AKAP9: variants seen among roughly 807,000 people sequenced by gnomAD.
AKAP9 encodes A-kinase anchoring protein 9.
In AKAP9, 311 loss-of-function variants were observed where a neutral mutation model predicts 488.5. The ratio of observed to expected loss-of-function variants is 0.64; its 90% CI spans 0.58 to 0.70. AKAP9 has a LOEUF of 0.70. Ranked by LOEUF, AKAP9 falls within the 30% of genes least tolerant of loss-of-function variation. AKAP9 has a pLI of 0.00. For synonymous variants in AKAP9, 1,462 were observed against 1,483.5 expected (o/e 0.99, Z 0.33); for missense variants, 4,215 against 4,374.5 (o/e 0.96, Z 1.03).
At chr7:92,101,109 C>T in intron 45 of AKAP9, 53 bp downstream of exon 45, 2 of 1,552,960 alleles carry the variant, frequency 1.3e-6, no homozygotes, top group Non-Finnish European at 8.8e-7. Flanking sequence ...TTTTTGCCTT[C>T]TTTCATCTCT....
intron 22 of AKAP9, 84 bp downstream of exon 22, chr7:92,053,042 T>A: frequency 8.6e-7 from 1 of 1,158,352 alleles, no homozygotes; most frequent in Non-Finnish European, 1.3e-6. Flanking sequence ...ATTTTGATAT[T>A]TTCATGGATA....
intron 1 of AKAP9, among the ~76,000 whole-genome samples, chr7:91,941,745 G>A (rs1284452813): frequency 6.6e-6 from 1 of 152,172 alleles, no homozygotes; most frequent in Non-Finnish European, 1.5e-5. Flanking sequence ...GTCATGGCAT[G>A]CGCTTTTGTG....
In AKAP9 at chr7:92,092,890, T is replaced by C. The variant is rs907880097; in HGVS notation, c.9359-207T>C. The C allele has an allele frequency of 9.8e-6, 5 of 508,622 alleles. No individual in the cohort carries two copies. The Admixed American group carries it at 1.3e-4, about 13-fold the overall frequency. The allele number at this position is 508,622 out of a possible 1,614,324, so 31.5% of individuals were successfully genotyped here. A position where few individuals can be genotyped will look rare whatever the true frequency, so the allele number is the denominator to read the frequency against. On this transcript the variant is annotated intron_variant, in intron 38 of 49. Transcript: ENST00000356239. The stretch of plus-strand genomic sequence containing the variant: ...TTGAACTCCTGGCCTTAAGCAGTCC[T>C]CCCTCCCACCTCAGCCTCCCAAAGT...
Position 92,077,795 on chromosome 7 carries a change from G to C in AKAP9, c.6865G>C (p.Glu2289Gln). ...LFGKFAQIIQ[E>Q]KEVEIDQLNE... ...TGGGAAATTTGCTCAAATAATACAG[G>C]AAAAAGAGGTAGAAATTGACCAATT... The change falls in exon 30 of 50, where the codon GAA becomes CAA. Residue 2289 changes from glutamate to glutamine, a missense_variant. Transcript: ENST00000356239. 6.2e-7 allele frequency: 1 copy of C among 1,613,588 alleles called. No individual in the cohort carries two copies. Among genetic ancestry groups the C allele is most frequent in the Non-Finnish European group, 8.5e-7 (1 of 1,179,804 alleles).
In AKAP9 at chr7:92,058,368, T is replaced by C. The variant is rs777536948; in HGVS notation, c.5602-2892T>C. On this transcript the variant is annotated intron_variant, in intron 22 of 49. Transcript: ENST00000356239. ...TTTATTCATAAAAGAAACGGGCATA[T>C]ATTAAAGCTTATTTCTAAAATTTCA... is the stretch of plus-strand genomic sequence containing the variant. 2.3e-5 allele frequency: 13 copies of C among 560,698 alleles called. No homozygotes were observed. In the East Asian group the frequency reaches 4.0e-4, roughly 17 times the overall value. The allele number at this position is 560,698 out of a possible 1,614,324, so 34.7% of individuals were successfully genotyped here.
chr7:92,087,131 G>A (rs906201498), intron 37 of AKAP9, among the ~76,000 whole-genome samples: 1 of 152,188 alleles, frequency 6.6e-6, no homozygotes, highest in Non-Finnish European at 1.5e-5. Flanking sequence ...GCTGCTGTAT[G>A]CATTTCTGTG....
At chr7:92,013,243 G>A (rs546340002) in intron 9 of AKAP9, among the ~76,000 whole-genome samples, 2 of 151,648 alleles carry the variant, frequency 1.3e-5, no homozygotes, top group South Asian at 2.1e-4. Flanking sequence ...CGCCCGCCTC[G>A]GCCTCCCAAA....
At chr7:91,995,127 A>G (rs192064961) in intron 6 of AKAP9, among the ~76,000 whole-genome samples, 20 of 152,366 alleles carry the variant, frequency 1.3e-4, no homozygotes, top group Admixed American at 6.5e-5. Context: ...ACAAAACTAA[A>G]TATATTCCAT....
Position 92,002,964 on chromosome 7 carries a change from T to C in AKAP9, c.3047T>C (p.Val1016Ala). The C allele has an allele frequency of 1.2e-6, 2 of 1,613,310 alleles. No individual in the cohort carries two copies. Among genetic ancestry groups the C allele is most frequent in the Non-Finnish European group, 1.7e-6 (2 of 1,179,596 alleles). ...AENVQSCDTQ[V>A]SSLLDGVVTM... ...AATGTACAGTCATGTGATACTCAAGTAAGCTCTTTATTAGATGGAGTTGTG... is the reference window on the plus strand; with the variant it reads ...AATGTACAGTCATGTGATACTCAAGCAAGCTCTTTATTAGATGGAGTTGTG... The change falls in exon 8 of 50, where the codon GTA becomes GCA. Residue 1016 changes from valine (V) to alanine (A), a missense_variant. By Grantham distance (64) the Val-to-Ala change is moderately conservative (BLOSUM62 0). Coordinates refer to ENST00000356239, the MANE Select transcript of AKAP9 (RefSeq NM_005751.5).
intron 7 of AKAP9, among the ~76,000 whole-genome samples, chr7:91,996,543 G>A (rs552539696): frequency 5.3e-5 from 8 of 152,198 alleles, no homozygotes; most frequent in African/African-American, 1.9e-4. Flanking sequence ...CTCTATAAGG[G>A]ATGAACAAGG....
intron 3 of AKAP9, among the ~76,000 whole-genome samples, chr7:91,990,987 A>T (rs1021835902): frequency 5.3e-5 from 8 of 152,182 alleles, no homozygotes; most frequent in African/African-American, 1.4e-4. Flanking sequence ...CATACAGTGG[A>T]TCTACACCAT....
At chr7:91,956,707 C>T (rs1029320144) in intron 1 of AKAP9, among the ~76,000 whole-genome samples, 1 of 152,028 alleles carries the variant, frequency 6.6e-6, no homozygotes, top group African/African-American at 2.4e-5. Flanking sequence ...GGCATTCTTC[C>T]ACACAGTCCA....
intron 1 of AKAP9, among the ~76,000 whole-genome samples, chr7:91,956,665 A>C (rs1005273320): frequency 1.4e-4 from 22 of 152,212 alleles, no homozygotes; most frequent in African/African-American, 4.8e-4. Context: ...TTTGTAGAAC[A>C]TTAACCCAGA....
At position 91,992,202 on chromosome 7, in the gene AKAP9, T is replaced by C; in HGVS notation, c.396T>C (p.Asn132=). ...TGATGAGAACAGGAAAGCCTACAAA[T>C]TTATTAAGGGTACAGTATTTAAAAC... The part of the protein sequence containing the change: ...SFVMRTGKPT[N]LLREEEFGVD... The change falls in exon 4 of 50, where the codon AAT becomes AAC. Residue 132 remains asparagine, a synonymous_variant. Coordinates refer to ENST00000356239, the MANE Select transcript of AKAP9 (RefSeq NM_005751.5). 6.2e-7 allele frequency: 1 copy of C among 1,607,158 alleles called. No individual in the cohort carries two copies. Among genetic ancestry groups the C allele is most frequent in the South Asian group, 1.1e-5 (1 of 90,926 alleles).
At chr7:91,992,137 C>T in intron 3 of AKAP9, 21 bp from the exon 4 acceptor site, 4 of 1,578,294 alleles carry the variant, frequency 2.5e-6, no homozygotes, top group Non-Finnish European at 3.5e-6. Flanking sequence ...CATAATATAT[C>T]AGGAAATTGT....
At chr7:92,103,765 AT>A (rs1316517911) in intron 46 of AKAP9, among the ~76,000 whole-genome samples, 1 of 152,088 alleles carries the variant, frequency 6.6e-6, no homozygotes, top group Non-Finnish European at 1.5e-5. Flanking sequence ...AGATTATAAA[AT>A]TTAAAAATGT....
chr7:92,001,234 G>C lies in AKAP9; in HGVS notation c.1317G>C (p.Glu439Asp). 1 of 1,613,994 alleles carries C rather than the reference G, an allele frequency of 6.2e-7. No homozygotes were observed. Among genetic ancestry groups the C allele is most frequent in the South Asian group, 1.1e-5 (1 of 91,080 alleles). ...KLEQLRAELDEMYGQQIVQMK... is the reference protein window; with the variant it reads ...KLEQLRAELDDMYGQQIVQMK... Reference sequence around the variant, plus strand: ...AACAACTCCGGGCAGAGCTGGATGAGATGTATGGGCAGCAGATAGTGCAAA... The same window carrying C: ...AACAACTCCGGGCAGAGCTGGATGACATGTATGGGCAGCAGATAGTGCAAA... The change falls in exon 8 of 50, where the codon GAG (glutamate) becomes GAC (aspartate). Residue 439 changes from glutamate (E) to aspartate (D), a missense_variant. Glu to Asp is a conservative substitution (Grantham distance 45). This residue lies in a region of AKAP9 where 2,361 missense variants were observed against 2,430.0 expected (regional missense o/e 0.97). Coordinates refer to ENST00000356239, the MANE Select transcript of AKAP9 (RefSeq NM_005751.5).
intron 14 of AKAP9, among the ~76,000 whole-genome samples, chr7:92,024,551 G>C (rs1042317396): frequency 4.0e-5 from 6 of 151,814 alleles, no homozygotes; most frequent in African/African-American, 1.5e-4. Context: ...AGCTTTATAA[G>C]GGTGGGGCTC....
chr7:91,984,171 A>G (rs993262809), intron 3 of AKAP9, among the ~76,000 whole-genome samples: 1 of 151,988 alleles, frequency 6.6e-6, no homozygotes, highest in African/African-American at 2.4e-5. Flanking sequence ...TTTTGTTGCT[A>G]TTGCTTTTGG....
Sources: gnomAD v4.1 joint callset for allele counts (sites outside exome capture counted in the v4.1 genomes callset) on GRCh38, gnomAD v4.1.1 for gene constraint, gnomAD v4.1.1 regional missense constraint, MANE v1.5 for transcripts, NCBI Gene and HGNC (gene_info 2026-07-23, HGNC 2026-07-21) for gene names.